The following ANKRD17 variants were observed in gnomAD, a reference collection of about 807,000 sequenced individuals.
ANKRD17 encodes ankyrin repeat domain-containing protein 17.
In ANKRD17, 19 loss-of-function variants were observed where a neutral mutation model predicts 229.7. The ratio of observed to expected loss-of-function variants is 0.08; its 90% CI spans 0.06 to 0.12. The LOEUF (loss-of-function observed/expected upper bound fraction) is 0.12. Ranked by LOEUF, ANKRD17 falls within the 10% of genes least tolerant of loss-of-function variation. The pLI, the probability that ANKRD17 is intolerant of heterozygous loss-of-function variation, is 1.00. For synonymous variants in ANKRD17, 1,112 were observed against 1,146.1 expected (o/e 0.97, Z 0.60); for missense variants, 2,176 against 3,176.8 (o/e 0.68, Z 7.57).
At chr4:73,161,687 T>C (rs2148916959) in intron 2 of ANKRD17, among the ~76,000 whole-genome samples, 1 of 152,254 alleles carries the variant, frequency 6.6e-6, no homozygotes, top group Admixed American at 6.5e-5. Flanking sequence ...ATAAGCTATT[T>C]AGCCACTTTT....
chr4:73,177,563 A>G (rs1049754875), intron 1 of ANKRD17, 30 bp from the exon 2 acceptor site: 6 of 1,565,762 alleles, frequency 3.8e-6, no homozygotes, highest in African/African-American at 2.7e-5. Flanking sequence ...AGAGGGAGGA[A>G]GGGAGAAATG....
Position 73,094,066 on chromosome 4 carries a change from G to A in ANKRD17, c.5327+13C>T. The A allele has an allele frequency of 6.2e-7, 1 of 1,611,660 alleles. No individual in the cohort carries two copies. Among genetic ancestry groups the A allele is most frequent in the Non-Finnish European group, 8.5e-7 (1 of 1,178,394 alleles). Reference sequence around the variant, plus strand: ...TAAAATAAAGGAAGAAAATGTAAGAGACAAAGTTTTGCCTTATAGTGATTA... The same window carrying A: ...TAAAATAAAGGAAGAAAATGTAAGAAACAAAGTTTTGCCTTATAGTGATTA... On this transcript the variant is annotated intron_variant, in intron 28 of 33. Coordinates refer to ENST00000358602, the MANE Select transcript of ANKRD17 (RefSeq NM_032217.5).
At chr4:73,141,666 G>A (rs1193361250) in intron 14 of ANKRD17, 75 bp downstream of exon 14, 1 of 1,377,842 alleles carries the variant, frequency 7.3e-7, no homozygotes, top group African/African-American at 1.4e-5. Context: ...TTTGTTTGTA[G>A]AAATGTCTAT....
intron 18 of ANKRD17, among the ~76,000 whole-genome samples, chr4:73,122,720 G>A (rs1259928433): frequency 6.6e-6 from 1 of 152,080 alleles, no homozygotes; most frequent in Non-Finnish European, 1.5e-5. Context: ...TCTCAGCAAA[G>A]CTATGTCCAA....
At chr4:73,094,316 G>A in intron 27 of ANKRD17, 88 bp from the exon 28 acceptor site, 5 of 1,209,386 alleles carry the variant, frequency 4.1e-6, no homozygotes, top group African/African-American at 1.5e-5. Context: ...TTACTAAAAT[G>A]TCTTTCTATA....
At position 73,118,793 on chromosome 4, in the gene ANKRD17, T is replaced by C. The variant is rs1275231041; in HGVS notation, c.4083A>G (p.Ala1361=). 6.2e-7 allele frequency: 1 copy of C among 1,613,858 alleles called. No individual in the cohort carries two copies. The highest frequency in any genetic ancestry group is 8.5e-7 in the Non-Finnish European group (1 of 1,179,992). ...KKGNTPLWLA[A]NGGHLDVVQL... ...GAACCACATCGAGGTGTCCACCATT[T>C]GCTGCTAGCCACAATGGAGTGTTCC... The change falls in exon 22 of 34, where the codon GCA becomes GCG. Residue 1361 remains alanine (A), a synonymous_variant. Transcript: ENST00000358602.
chr4:73,133,716 G>A (rs1728544320), intron 16 of ANKRD17, among the ~76,000 whole-genome samples: 2 of 151,928 alleles, frequency 1.3e-5, no homozygotes, highest in South Asian at 2.1e-4. Flanking sequence ...TTTTTAAAAG[G>A]CTATGTAGAT....
chr4:73,254,304 AATTT>A (rs1414199245), intron 1 of ANKRD17, among the ~76,000 whole-genome samples: 1 of 152,168 alleles, frequency 6.6e-6, no homozygotes, highest in East Asian at 1.9e-4. Context: ...AGTCAGTACT[AATTT>A]ATTTACCGGC....
chr4:73,184,344 C>T (rs1363862618), intron 1 of ANKRD17, among the ~76,000 whole-genome samples: 5 of 151,906 alleles, frequency 3.3e-5, no homozygotes, highest in Admixed American at 2.0e-4. Flanking sequence ...GCCTGGCCAA[C>T]ATGGTGAAAG....
In ANKRD17 at chr4:73,258,345, G is replaced by GCCACCT; in HGVS notation, c.323_324insAGGTGG (p.Gly109_Gly110dup). Reference sequence around the variant, plus strand: ...CGCTGTTGTTACTGCTGGTGCCGCCGCCGCCACCTCCGCCTCCACCGCCGC... The same window carrying GCCACCT: ...CGCTGTTGTTACTGCTGGTGCCGCCGCCACCTCCGCCACCTCCGCCTCCACCGCCGC... On this transcript the variant is annotated inframe_insertion, in exon 1 of 34. Coordinates refer to ENST00000358602, the MANE Select transcript of ANKRD17 (RefSeq NM_032217.5). 6.2e-7 allele frequency: 1 copy of GCCACCT among 1,612,334 alleles called. No individual in the cohort carries two copies.
chr4:73,085,568 G>T, intron 29 of ANKRD17, 122 bp from the exon 30 acceptor site: 1 of 894,996 alleles, frequency 1.1e-6, no homozygotes, highest in Non-Finnish European at 1.7e-6. Context: ...AAAAATCCCG[G>T]CTGGGAGTGG....
At chr4:73,120,635 C>G (rs1220579152) in intron 20 of ANKRD17, among the ~76,000 whole-genome samples, 2 of 151,666 alleles carry the variant, frequency 1.3e-5, no homozygotes, top group Non-Finnish European at 2.9e-5. Flanking sequence ...CATTCCCTTC[C>G]TTTTCAAAAT....
At chr4:73,081,692 T>G (rs1408635876) in intron 30 of ANKRD17, among the ~76,000 whole-genome samples, 1 of 151,804 alleles carries the variant, frequency 6.6e-6, no homozygotes, top group Non-Finnish European at 1.5e-5. Context: ...GAATGAAAAA[T>G]TACAAATAAA....
At position 73,094,144 on chromosome 4, in the gene ANKRD17, A is replaced by G; in HGVS notation, c.5262T>C (p.Phe1754=). 6.2e-7 allele frequency: 1 copy of G among 1,613,742 alleles called. No individual in the cohort carries two copies. Among genetic ancestry groups the G allele is most frequent in the Non-Finnish European group, 8.5e-7 (1 of 1,179,736 alleles). Residue 1754 remains phenylalanine (F), a synonymous_variant, in exon 28 of 34, where the codon TTT becomes TTC. Coordinates refer to ENST00000358602, the MANE Select transcript of ANKRD17 (RefSeq NM_032217.5). ...GGCNINAIRE[F]TGAHIDIDKQ... The stretch of plus-strand genomic sequence containing the variant: ...TATCAATATCTATGTGTGCACCAGT[A>G]AACTCCCGAATAGCATTGATATTAC...
intron 1 of ANKRD17, chr4:73,222,999 G>T: frequency 6.5e-7 from 1 of 1,535,834 alleles, no homozygotes; most frequent in Non-Finnish European, 8.7e-7. Flanking sequence ...TAGAACATAT[G>T]CTTCCATTTC....
chr4:73,114,471 TA>T (rs1299738899), intron 23 of ANKRD17, among the ~76,000 whole-genome samples: 2 of 152,100 alleles, frequency 1.3e-5, no homozygotes, highest in African/African-American at 2.4e-5. Context: ...ATTTTAGAGA[TA>T]GGGGCTTGCC....
Position 73,121,096 on chromosome 4 carries a change from T to A in ANKRD17, c.3636-2A>T. On this transcript the variant is annotated splice_acceptor_variant, in intron 19 of 33. Transcript: ENST00000358602. LOFTEE classifies it high-confidence loss of function. ...GAGATGCCCAATTTGCTACCAGTTC[T>A]AGGGGTGCAGGTATGGGGAAAACAA... 6.2e-7 allele frequency: 1 copy of A among 1,612,786 alleles called. No homozygotes were observed. The highest frequency in any genetic ancestry group is 8.5e-7 in the Non-Finnish European group (1 of 1,178,878).
At chr4:73,129,014 T>A (rs549647392) in intron 16 of ANKRD17, among the ~76,000 whole-genome samples, 36 of 152,314 alleles carry the variant, frequency 2.4e-4, no homozygotes, top group African/African-American at 8.4e-4. Flanking sequence ...AAAGGAAGAA[T>A]CCTTAGATTC....
intron 30 of ANKRD17, among the ~76,000 whole-genome samples, chr4:73,080,343 G>T (rs558033767): frequency 9.2e-4 from 140 of 152,118 alleles, no homozygotes; most frequent in African/African-American, 3.3e-3. Context: ...AAAAATGAAC[G>T]AAAAGAAAAT....
Sources: gnomAD v4.1 joint callset for allele counts (sites outside exome capture counted in the v4.1 genomes callset) on GRCh38, gnomAD v4.1.1 for gene constraint, MANE v1.5 for transcripts, NCBI Gene and HGNC (gene_info 2026-07-23, HGNC 2026-07-21) for gene names.